Variants in KCNK18 observed in about 807,000 individuals in gnomAD.
KCNK18 encodes the protein potassium channel subfamily K member 18.
A neutral mutation model predicts 11.8 loss-of-function variants in KCNK18; 8 were observed. The observed-to-expected ratio is 0.68, with a 90% confidence interval of 0.40 to 1.22. KCNK18 has a LOEUF of 1.22. KCNK18 is among the 50% of genes most tolerant of loss of function. KCNK18 has a pLI of 0.01. For missense variants in KCNK18, 442 were observed against 465.4 expected (o/e 0.95, Z 0.46); for synonymous variants, 208 against 185.8 (o/e 1.12, Z -0.97).
At position 117,209,499 on chromosome 10, in the gene KCNK18, T is replaced by C; in HGVS notation, c.355T>C (p.Tyr119His). ...CTAAGCTCCATCTTCTTTTTCAGGC[T>C]ATGGCTACATCTACCCCGTCACCAG... ...FCCTVFSTVG[Y>H]GYIYPVTRLG... Residue 119 changes from tyrosine to histidine, a missense_variant and splice_region_variant, in exon 3 of 3, where the codon TAT becomes CAT. By Grantham distance (83) the Tyr-to-His change is moderately conservative. Coordinates refer to ENST00000334549, the MANE Select transcript of KCNK18 (RefSeq NM_181840.1). 1 of 1,613,964 alleles carries C rather than the reference T, an allele frequency of 6.2e-7. No individual in the cohort carries two copies. The highest frequency in any genetic ancestry group is 8.5e-7 in the Non-Finnish European group (1 of 1,179,850).
intron 1 of KCNK18, among the ~76,000 whole-genome samples, chr10:117,199,169 A>G (rs1392882807): frequency 6.6e-6 from 1 of 152,224 alleles, no homozygotes; most frequent in African/African-American, 2.4e-5. Context: ...AAATTAAAAA[A>G]TTTAGTCAGA....
chr10:117,200,772 A>G (rs1274549404), intron 1 of KCNK18, among the ~76,000 whole-genome samples: 3 of 151,654 alleles, frequency 2.0e-5, no homozygotes, highest in Admixed American at 1.3e-4. Context: ...AGATCACACC[A>G]CTGCACTCCA....
rs532556203 is a variant in KCNK18, at chr10:117,198,572, A to G, written c.223+861A>G. ...TTCCTCGAAGGAAGCTTGTTATTGTATTCAACAGAGCAAGATAAAACAAGG... is the reference window on the plus strand; with the variant it reads ...TTCCTCGAAGGAAGCTTGTTATTGTGTTCAACAGAGCAAGATAAAACAAGG... On this transcript the variant is annotated intron_variant, in intron 1 of 2. Transcript: ENST00000334549. 1.1e-4 allele frequency among the ~76,000 whole-genome samples: 17 copies of G among 152,316 alleles called. No individual in the cohort carries two copies. In the South Asian group the frequency reaches 3.5e-3, roughly 32 times the overall value.
intron 1 of KCNK18, 143 bp downstream of exon 1, chr10:117,197,854 CT>C (rs1854968664): frequency 1.3e-5 from 9 of 715,174 alleles, no homozygotes; most frequent in Non-Finnish European, 2.0e-5. Flanking sequence ...AAGCGAGTAA[CT>C]TCTTTCTGAA....
Position 117,209,750 on chromosome 10 carries a change from C to G in KCNK18, c.606C>G (p.Ile202Met), listed in dbSNP as rs1332164495. ...PKPADEAVPQ[I>M]IISAEELPGP... ...CCGCAGATGAAGCTGTCCCTCAGAT[C>G]ATCATCAGTGCTGAAGAGCTTCCAG... Residue 202 changes from isoleucine to methionine, a missense_variant, in exon 3 of 3, where the codon ATC becomes ATG. Physicochemically the swap from Ile to Met is conservative, Grantham distance 10. Transcript: ENST00000334549. 1 of 1,614,158 alleles carries G rather than the reference C, an allele frequency of 6.2e-7. No individual in the cohort carries two copies. The highest frequency in any genetic ancestry group is 1.3e-5 in the African/African-American group (1 of 75,036).
chr10:117,197,657 G>A lies in KCNK18; in HGVS notation c.169G>A (p.Glu57Lys). 4 of 1,614,220 alleles carry A rather than the reference G, an allele frequency of 2.5e-6. No homozygotes were observed. The highest frequency in any genetic ancestry group is 3.4e-6 in the Non-Finnish European group (4 of 1,180,038). Reference protein sequence around the residue: ...GQVLVAADDGEFEKFLEELCR... With the variant: ...GQVLVAADDGKFEKFLEELCR... Reference sequence around the variant, plus strand: ...GGTCCTGGTGGCAGCAGATGATGGAGAGTTTGAGAAGTTCTTGGAGGAGCT... The same window carrying A: ...GGTCCTGGTGGCAGCAGATGATGGAAAGTTTGAGAAGTTCTTGGAGGAGCT... Residue 57 changes from glutamate (E) to lysine (K), a missense_variant, in exon 1 of 3, where the codon GAG becomes AAG. Coordinates refer to ENST00000334549, the MANE Select transcript of KCNK18 (RefSeq NM_181840.1).
At chr10:117,199,051 C>A (rs1854983477) in intron 1 of KCNK18, among the ~76,000 whole-genome samples, 1 of 152,172 alleles carries the variant, frequency 6.6e-6, no homozygotes, top group Non-Finnish European at 1.5e-5. Context: ...AGCATGGTGG[C>A]TCATGCCCAT....
intron 1 of KCNK18, among the ~76,000 whole-genome samples, chr10:117,200,357 C>T (rs1202073573): frequency 6.6e-6 from 1 of 152,162 alleles, no homozygotes; most frequent in Non-Finnish European, 1.5e-5. Flanking sequence ...CAATTATAGG[C>T]GTGAGCCATC....
intron 2 of KCNK18, 103 bp downstream of exon 2, chr10:117,201,390 CCTCT>C (rs1855012930): frequency 2.5e-6 from 3 of 1,211,438 alleles, no homozygotes; most frequent in Non-Finnish European, 3.6e-6. Context: ...CCCTCCTCTC[CCTCT>C]CTTCTTCCCT....
intron 2 of KCNK18, among the ~76,000 whole-genome samples, chr10:117,201,981 G>A (rs972873417): frequency 6.6e-6 from 1 of 152,228 alleles, no homozygotes; most frequent in Admixed American, 6.5e-5. Flanking sequence ...AGGAGACACA[G>A]GAGGCGATGG....
At chr10:117,198,175 T>C (rs1212311623) in intron 1 of KCNK18, among the ~76,000 whole-genome samples, 3 of 152,086 alleles carry the variant, frequency 2.0e-5, no homozygotes, top group African/African-American at 4.8e-5. Flanking sequence ...CAACCCAAAT[T>C]GGATTTAAAT....
At chr10:117,198,766 G>A (rs1202736507) in intron 1 of KCNK18, among the ~76,000 whole-genome samples, 1 of 152,184 alleles carries the variant, frequency 6.6e-6, no homozygotes, top group Non-Finnish European at 1.5e-5. Flanking sequence ...AGTCCAGGGA[G>A]GCAGAGTCTC....
Position 117,197,518 on chromosome 10 carries a change from G to T in KCNK18, c.30G>T (p.Arg10Ser). Reference sequence around the variant, plus strand: ...AGGTCTCGGGGCACCCCCAGGCCAGGAGATGCTGCCCAGAGGCCCTGGGAA... The same window carrying T: ...AGGTCTCGGGGCACCCCCAGGCCAGTAGATGCTGCCCAGAGGCCCTGGGAA... MEVSGHPQARRCCPEALGKL... is the reference protein window; with the variant it reads MEVSGHPQASRCCPEALGKL... Residue 10 changes from arginine (R) to serine (S), a missense_variant, in exon 1 of 3, where the codon AGG (arginine) becomes AGT (serine). Coordinates refer to ENST00000334549, the MANE Select transcript of KCNK18 (RefSeq NM_181840.1). The T allele has an allele frequency of 6.2e-7, 1 of 1,613,746 alleles. No individual in the cohort carries two copies.
chr10:117,208,380 G>C (rs59074773), intron 2 of KCNK18, among the ~76,000 whole-genome samples: 1 of 152,090 alleles, frequency 6.6e-6, no homozygotes, highest in Non-Finnish European at 1.5e-5. Flanking sequence ...TGTCAAGCAC[G>C]GGCCTCATGT....
intron 1 of KCNK18, among the ~76,000 whole-genome samples, chr10:117,199,740 C>G (rs895159445): frequency 6.6e-6 from 1 of 152,198 alleles, no homozygotes; most frequent in Non-Finnish European, 1.5e-5. Flanking sequence ...CAGAACTTAT[C>G]AGGGTTAGAG....
rs1855121912 is a variant in KCNK18, at chr10:117,209,782, A to G, written c.638A>G (p.Lys213Arg). 1.2e-6 allele frequency: 2 copies of G among 1,614,144 alleles called. No individual in the cohort carries two copies. Among genetic ancestry groups the G allele is most frequent in the African/African-American group, 1.3e-5 (1 of 75,026 alleles). The change falls in exon 3 of 3, where the codon AAA becomes AGA. Residue 213 changes from lysine (K) to arginine (R), a missense_variant. By Grantham distance (26) the Lys-to-Arg change is conservative. Coordinates refer to ENST00000334549, the MANE Select transcript of KCNK18 (RefSeq NM_181840.1). ...AGTGCTGAAGAGCTTCCAGGCCCCA[A>G]ACTTGGCACATGTCCTTCACGCCCA... ...IISAEELPGP[K>R]LGTCPSRPSC...
intron 2 of KCNK18, among the ~76,000 whole-genome samples, chr10:117,208,348 C>T (rs1361748730): frequency 6.6e-6 from 1 of 152,148 alleles, no homozygotes; most frequent in Non-Finnish European, 1.5e-5. Flanking sequence ...AGGACACCAC[C>T]AGTTATTAAT....
intron 1 of KCNK18, among the ~76,000 whole-genome samples, chr10:117,199,960 G>C (rs1256328995): frequency 3.9e-5 from 6 of 152,228 alleles, no homozygotes; most frequent in South Asian, 2.1e-4. Context: ...ACCCTGCTCT[G>C]TTAGCCTTGG....
At chr10:117,202,955 C>A (rs575699720) in intron 2 of KCNK18, among the ~76,000 whole-genome samples, 2 of 143,142 alleles carry the variant, frequency 1.4e-5, no homozygotes, top group Admixed American at 7.3e-5. Context: ...TGGCTCACTG[C>A]AACCTCTGCT....
Sources: allele counts gnomAD v4.1 joint callset (sites outside exome capture counted in the v4.1 genomes callset), GRCh38; gene constraint gnomAD v4.1.1; transcripts MANE v1.5; gene names NCBI Gene and HGNC (gene_info 2026-07-23, HGNC 2026-07-21).